The following SRP72 variants were observed in gnomAD, a reference collection of about 807,000 sequenced individuals.
The protein encoded by SRP72 is signal recognition particle 72, also known as signal recognition particle subunit SRP72.
Under a neutral mutation model 96.3 loss-of-function variants are expected in SRP72, and 49 were observed. That is an observed-to-expected ratio of 0.51 (90% CI 0.40 to 0.65). The LOEUF (loss-of-function observed/expected upper bound fraction) is 0.65, where lower values mean the gene tolerates loss of function less well. Among genes scored for constraint, SRP72 ranks in the 30% least tolerant of loss-of-function variants. SRP72 has a pLI of 0.00. For missense variants in SRP72, 736 were observed against 793.3 expected, an observed-to-expected ratio of 0.93 and a Z score of 0.87; for synonymous variants, 267 against 275.2, an observed-to-expected ratio of 0.97 and a Z score of 0.30.
At chr4:56,495,429 C>CA in intron 17 of SRP72, 35 bp downstream of exon 17, 6 of 1,375,188 alleles carry the variant, frequency 4.4e-6, no homozygotes, top group Non-Finnish European at 6.1e-6. Context: ...AAATTTTCTC[C>CA]AAAATAAATG....
At chr4:56,470,315 C>T (rs1288064579) in intron 2 of SRP72, among the ~76,000 whole-genome samples, 2 of 151,976 alleles carry the variant, frequency 1.3e-5, no homozygotes, top group Non-Finnish European at 2.9e-5. Flanking sequence ...CCTAAGAGGG[C>T]GGATCACGAG....
chr4:56,483,313 A>G (rs920566456), intron 9 of SRP72, 43 bp downstream of exon 9: 2 of 1,583,686 alleles, frequency 1.3e-6, no homozygotes, highest in Non-Finnish European at 8.6e-7. Flanking sequence ...CTTTTGTAAT[A>G]TGGTATATGA....
intron 3 of SRP72, among the ~76,000 whole-genome samples, chr4:56,473,156 A>G (rs1267035279): frequency 6.6e-6 from 1 of 152,130 alleles, no homozygotes; most frequent in African/African-American, 2.4e-5. Context: ...TTCTTTCACA[A>G]CCTATTTAGG....
intron 18 of SRP72, 113 bp downstream of exon 18, chr4:56,500,808 T>G: frequency 9.4e-7 from 1 of 1,068,356 alleles, no homozygotes; most frequent in Non-Finnish European, 1.3e-6. Context: ...TGATGTATCT[T>G]TGATAAATGT....
At chr4:56,497,224 AT>A (rs1301875613) in intron 17 of SRP72, among the ~76,000 whole-genome samples, 200 of 142,632 alleles carry the variant, frequency 1.4e-3, no homozygotes, top group Admixed American at 4.7e-3. Context: ...TTATTTATTT[AT>A]TTTTTTTTTT....
At chr4:56,480,269 T>C (rs1044440033) in intron 8 of SRP72, among the ~76,000 whole-genome samples, 2 of 151,934 alleles carry the variant, frequency 1.3e-5, no homozygotes, top group African/African-American at 4.8e-5. Context: ...CAGGACAAAT[T>C]TTTTTTTCCC....
intron 9 of SRP72, among the ~76,000 whole-genome samples, chr4:56,484,051 T>TTTTTTC (rs1560682047): frequency 1.4e-5 from 2 of 142,716 alleles, no homozygotes; most frequent in African/African-American, 5.3e-5. Flanking sequence ...TTTTTTTTTT[T>TTTTTTC]GAGATGGAGT....
chr4:56,496,817 A>G (rs1015670473), intron 17 of SRP72, among the ~76,000 whole-genome samples: 6 of 152,268 alleles, frequency 3.9e-5, no homozygotes, highest in Admixed American at 2.0e-4. Context: ...GTGAAACCCC[A>G]TCTCTAGTAC....
chr4:56,484,437 A>G (rs1048814345), intron 9 of SRP72, among the ~76,000 whole-genome samples: 2 of 152,274 alleles, frequency 1.3e-5, no homozygotes, highest in East Asian at 1.9e-4. Context: ...GCAAATGCTT[A>G]TATTTGATGT....
chr4:56,484,447 T>C (rs1281524903), intron 9 of SRP72, among the ~76,000 whole-genome samples: 3 of 152,176 alleles, frequency 2.0e-5, no homozygotes, highest in Non-Finnish European at 4.4e-5. Context: ...ATATTTGATG[T>C]GTTTGATTTT....
At chr4:56,479,505 A>G (rs1041146724) in intron 8 of SRP72, among the ~76,000 whole-genome samples, 1 of 142,648 alleles carries the variant, frequency 7.0e-6, no homozygotes, top group Middle Eastern at 3.6e-3. Flanking sequence ...AAAAAGCTTT[A>G]TTTTTCTTTC....
rs1721334866 is a variant in SRP72, at chr4:56,503,496, T to G, written c.*1635T>G. ...CATCAGTTCAAATAAGTTTTAATTG[T>G]CAAATGAAGTATAAACACATGAACT... On this transcript the variant is annotated 3_prime_UTR_variant, in exon 19 of 19. Coordinates refer to ENST00000642900, the MANE Select transcript of SRP72 (RefSeq NM_006947.4). The G allele has an allele frequency of 6.6e-6, 1 of 152,232 alleles. No homozygotes were observed. The highest frequency in any genetic ancestry group is 2.4e-5 in the African/African-American group (1 of 41,468). 9.4% of individuals were successfully genotyped at this position (152,232 alleles called of 1,614,324 possible). A position where few individuals can be genotyped will look rare whatever the true frequency, so the allele number is the denominator to read the frequency against.
intron 11 of SRP72, 23 bp from the exon 12 acceptor site, chr4:56,487,926 C>G: frequency 1.3e-6 from 2 of 1,550,446 alleles, no homozygotes; most frequent in Non-Finnish European, 1.8e-6. Context: ...CTATGTAATG[C>G]TGATTTTGTT....
At chr4:56,484,129 G>T (rs1720615003) in intron 9 of SRP72, among the ~76,000 whole-genome samples, 1 of 146,362 alleles carries the variant, frequency 6.8e-6, no homozygotes, top group Non-Finnish European at 1.5e-5. Context: ...TGCCTCCTGG[G>T]TTCACGCTAT....
At position 56,501,688 on chromosome 4, in the gene SRP72, G is replaced by T. The variant is rs1721266972; in HGVS notation, c.1843G>T (p.Ala615Ser). Residue 615 changes from alanine (A) to serine (S), a missense_variant, in exon 19 of 19, where the codon GCC becomes TCC. Around this residue, in one of 3 missense-constraint regions of SRP72, gnomAD observed 388 missense variants for 431.8 expected, o/e 0.90. Coordinates refer to ENST00000642900, the MANE Select transcript of SRP72 (RefSeq NM_006947.4). ...AAAATGATCTGATGATTTCAGGGAT[G>T]CCAGTAAAACTGTGAGCAGCCCACC... The part of the protein sequence containing the change: ...ATAGASSELD[A>S]SKTVSSPPTS... 4 of 1,612,266 alleles carry T rather than the reference G, an allele frequency of 2.5e-6. No individual in the cohort carries two copies. The Admixed American group carries it at 5.0e-5, about 20-fold the overall frequency.
intron 17 of SRP72, among the ~76,000 whole-genome samples, chr4:56,498,305 C>T (rs1721148218): frequency 6.6e-6 from 1 of 152,026 alleles, no homozygotes; most frequent in Non-Finnish European, 1.5e-5. Context: ...ATGACAAGCC[C>T]ACAGCCAATA....
intron 16 of SRP72, among the ~76,000 whole-genome samples, chr4:56,494,672 G>A (rs1414291774): frequency 6.6e-6 from 1 of 152,088 alleles, no homozygotes; most frequent in Admixed American, 6.6e-5. Flanking sequence ...CCATCGTGCT[G>A]GGATTACAGA....
At chr4:56,493,801 G>T (rs1271372341) in intron 16 of SRP72, among the ~76,000 whole-genome samples, 1 of 152,206 alleles carries the variant, frequency 6.6e-6, no homozygotes, top group Non-Finnish European at 1.5e-5. Context: ...AGGAGGTGGA[G>T]GTTGCAGTGA....
chr4:56,490,656 G>T lies in SRP72; in HGVS notation c.1502+11G>T. On this transcript the variant is annotated intron_variant, in intron 15 of 18. Transcript: ENST00000642900. ...AGAGAAAGCCAAAGCGTATCCTTTTGATTGTTATTCCTTACAGCTCCTCAG... is the reference window on the plus strand; with the variant it reads ...AGAGAAAGCCAAAGCGTATCCTTTTTATTGTTATTCCTTACAGCTCCTCAG... 3 of 1,609,936 alleles carry T rather than the reference G, an allele frequency of 1.9e-6. No homozygotes were observed. The highest frequency in any genetic ancestry group is 2.5e-6 in the Non-Finnish European group (3 of 1,176,634).
Sources: gnomAD v4.1 joint callset for allele counts (sites outside exome capture counted in the v4.1 genomes callset) on GRCh38, gnomAD v4.1.1 for gene constraint, gnomAD v4.1.1 regional missense constraint, MANE v1.5 for transcripts, NCBI Gene and HGNC (gene_info 2026-07-23, HGNC 2026-07-21) for gene names.